The following BRF1 variants were observed in gnomAD, a reference collection of about 807,000 sequenced individuals.
BRF1 encodes the protein BRF1 general transcription factor IIIB subunit, also known as transcription factor IIIB 90 kDa subunit.
In BRF1, 59 loss-of-function variants were observed where a neutral mutation model predicts 81.7. The ratio of observed to expected loss-of-function variants is 0.72; its 90% CI spans 0.59 to 0.90. BRF1 has a LOEUF of 0.90. Ranked by LOEUF, BRF1 falls within the 40% of genes least tolerant of loss-of-function variation. The probability of loss-of-function intolerance (pLI) is 0.00; values close to 1 mark genes in which losing one functional copy is unlikely to be tolerated. For synonymous variants in BRF1, 491 were observed against 395.6 expected (o/e 1.24, Z -2.86); for missense variants, 1,050 against 936.3 (o/e 1.12, Z -1.58).
At chr14:105,247,217 G>C (rs113597130) in intron 5 of BRF1, 2 of 985,348 alleles carry the variant, frequency 2.0e-6, no homozygotes, top group African/African-American at 3.5e-5. Context: ...CTTTCTCTCG[G>C]AACTTTCCGG....
In BRF1 at chr14:105,282,920, G is replaced by A. The variant is rs148463914; in HGVS notation, c.265+3376C>T. Among the ~76,000 whole-genome samples, 1,410 of 152,158 alleles carry A rather than the reference G, an allele frequency of 9.3e-3. 22 individuals are homozygous for A. Among genetic ancestry groups the A allele is most frequent in the African/African-American group, 0.033 (1,350 of 41,508 alleles). On this transcript the variant is annotated intron_variant, in intron 2 of 17. Transcript: ENST00000547530. The stretch of plus-strand genomic sequence containing the variant: ...TGCACTCCAGCCTGGGTGACAGAGC[G>A]AGACTCCATCTCAAAAAACAAACAA...
intron 11 of BRF1, 64 bp from the exon 12 acceptor site, chr14:105,220,194 A>G: frequency 6.3e-7 from 1 of 1,596,922 alleles, no homozygotes; most frequent in South Asian, 1.1e-5. Flanking sequence ...CGTGGCCACC[A>G]CCTGGGCTGG....
In BRF1 at chr14:105,250,499, T is replaced by C. The variant is rs752649563; in HGVS notation, c.544+2008A>G. On this transcript the variant is annotated intron_variant, in intron 5 of 17. Transcript: ENST00000547530. ...CCCGGTCCAGGTTGAACAAGACACC[T>C]TCTACACGGCCAGTGCCGTCCTGGA... is the stretch of plus-strand genomic sequence containing the variant. 4.3e-6 allele frequency: 7 copies of C among 1,613,942 alleles called. No individual in the cohort carries two copies. In the East Asian group the frequency reaches 1.6e-4, roughly 36 times the overall value.
intron 1 of BRF1, among the ~76,000 whole-genome samples, chr14:105,295,453 C>A (rs1197051960): frequency 6.6e-6 from 1 of 151,276 alleles, no homozygotes; most frequent in African/African-American, 2.4e-5. Context: ...AAGAAAAATA[C>A]AAAAATTAGC....
At position 105,300,697 on chromosome 14, in the gene BRF1, G is replaced by C; in HGVS notation, c.-68C>G. ...TCAAGCCACCCGAGCCTCCGGAGCA[G>C]CCCGCGCCGCCCGCCCAGGCCCAGC... On this transcript the variant is annotated 5_prime_UTR_variant, in exon 1 of 18. Transcript: ENST00000547530. 8.5e-7 allele frequency: 1 copy of C among 1,177,422 alleles called. No homozygotes were observed. 72.9% of individuals were successfully genotyped at this position (1,177,422 alleles called of 1,614,324 possible). A position where few individuals can be genotyped will look rare whatever the true frequency, so the allele number is the denominator to read the frequency against.
chr14:105,278,190 C>T (rs372467172), intron 2 of BRF1, among the ~76,000 whole-genome samples: 1 of 152,144 alleles, frequency 6.6e-6, no homozygotes, highest in African/African-American at 2.4e-5. Flanking sequence ...TGGCTCATGC[C>T]TGTAGTAATC....
At chr14:105,256,009 C>A (rs1261626621) in intron 4 of BRF1, among the ~76,000 whole-genome samples, 2 of 152,032 alleles carry the variant, frequency 1.3e-5, no homozygotes, top group African/African-American at 4.8e-5. Context: ...CCTGTGGTCC[C>A]AGCTACTTGG....
At chr14:105,288,694 C>T (rs189225248) in intron 1 of BRF1, among the ~76,000 whole-genome samples, 2,202 of 143,570 alleles carry the variant, frequency 0.015, 48 homozygotes, top group African/African-American at 0.054. Context: ...AGTGCAGTGG[C>T]GTGATCTTGG....
intron 3 of BRF1, among the ~76,000 whole-genome samples, chr14:105,259,360 G>A (rs1166963887): frequency 6.6e-6 from 1 of 152,224 alleles, no homozygotes; most frequent in Non-Finnish European, 1.5e-5. Flanking sequence ...CAGGAGGATT[G>A]CTTGCACCCA....
chr14:105,248,021 C>T (rs1411450701), intron 5 of BRF1: 3 of 985,384 alleles, frequency 3.0e-6, no homozygotes, highest in Non-Finnish European at 3.6e-6. Context: ...AGGCCCAGGG[C>T]CAGATCCTGA....
chr14:105,300,566 C>G lies in BRF1; in HGVS notation c.64G>C (p.Asp22His). The G allele has an allele frequency of 6.7e-7, 1 of 1,494,840 alleles. No individual in the cohort carries two copies. Among genetic ancestry groups the G allele is most frequent in the Non-Finnish European group, 8.9e-7 (1 of 1,125,884 alleles). The allele number at this position is 1,494,840 out of a possible 1,614,324, so 92.6% of individuals were successfully genotyped here. A position where few individuals can be genotyped will look rare whatever the true frequency, so the allele number is the denominator to read the frequency against. The change falls in exon 1 of 18, where the codon GAC becomes CAC. Residue 22 changes from aspartate (D) to histidine (H), a missense_variant. Around this residue, in one of 2 missense-constraint regions of BRF1, gnomAD observed 1,043 missense variants for 915.4 expected, o/e 1.14. Coordinates refer to ENST00000547530, the MANE Select transcript of BRF1 (RefSeq NM_001519.4). The stretch of plus-strand genomic sequence containing the variant: ...GAGCCGCAGGCGGTGCACACCGCGT[C>G]CCCGCGCGCCGCGTCCAGCTCGATG... ...TDIELDAARG[D>H]AVCTACGSVL...
intron 5 of BRF1, chr14:105,246,748 C>T (rs1004833650): frequency 3.8e-5 from 36 of 944,394 alleles, no homozygotes; most frequent in East Asian, 1.2e-4. Context: ...TGAGCCACCG[C>T]GCCCAACCTA....
At chr14:105,211,369 G>A in intron 16 of BRF1, 76 bp from the exon 17 acceptor site, 2 of 1,361,710 alleles carry the variant, frequency 1.5e-6, no homozygotes, top group South Asian at 3.0e-5. Flanking sequence ...AGACCCACCA[G>A]GGCTGGCCCA....
chr14:105,209,517 G>C lies in BRF1; in HGVS notation c.*1034C>G, dbSNP rs1318196036. The C allele has an allele frequency of 1.4e-6, 1 of 702,368 alleles. No homozygotes were observed. Among genetic ancestry groups the C allele is most frequent in the Non-Finnish European group, 2.6e-6 (1 of 384,752 alleles). The allele number at this position is 702,368 out of a possible 1,614,324, so 43.5% of individuals were successfully genotyped here. A position where few individuals can be genotyped will look rare whatever the true frequency, so the allele number is the denominator to read the frequency against. On this transcript the variant is annotated 3_prime_UTR_variant, in exon 18 of 18. Coordinates refer to ENST00000547530, the MANE Select transcript of BRF1 (RefSeq NM_001519.4). ...TGCCTCAAGGCCACCCCCTCCTAAG[G>C]ACACAGGGTGAAGCCCCCTCGGCCA... is the stretch of plus-strand genomic sequence containing the variant.
intron 1 of BRF1, among the ~76,000 whole-genome samples, chr14:105,310,130 G>A (rs769204535): frequency 3.9e-5 from 6 of 152,190 alleles, no homozygotes; most frequent in Non-Finnish European, 8.8e-5. Context: ...AGTGACAACT[G>A]TCTCACTTAT....
At chr14:105,270,334 C>T (rs962306686) in intron 3 of BRF1, among the ~76,000 whole-genome samples, 17 of 152,050 alleles carry the variant, frequency 1.1e-4, no homozygotes, top group African/African-American at 2.6e-4. Flanking sequence ...CCACCACGCC[C>T]GGCTAATTTT....
In BRF1 at chr14:105,217,843, A is replaced by G. The variant is rs373550718; in HGVS notation, c.1516-43T>C. ...AGAATGCCTCCCGTGAGTCACGCCC[A>G]CTGCACTCCACCATCAGGGGCTCCA... On this transcript the variant is annotated intron_variant, in intron 14 of 17. Transcript: ENST00000547530. 9.4e-6 allele frequency: 15 copies of G among 1,594,512 alleles called. No homozygotes were observed. In the African/African-American group the frequency reaches 1.9e-4, roughly 20 times the overall value.
At chr14:105,254,431 G>T (rs1339804557) in intron 4 of BRF1, among the ~76,000 whole-genome samples, 2 of 152,010 alleles carry the variant, frequency 1.3e-5, no homozygotes, top group South Asian at 2.1e-4. Context: ...TAATTTTTTT[G>T]TGTTTTTAGT....
chr14:105,267,437 G>A (rs1353113456), intron 3 of BRF1, among the ~76,000 whole-genome samples: 1 of 151,858 alleles, frequency 6.6e-6, no homozygotes, highest in Non-Finnish European at 1.5e-5. Context: ...CCCAGTAGGT[G>A]AGACCACAGG....
Sources: allele counts gnomAD v4.1 joint callset (sites outside exome capture counted in the v4.1 genomes callset), GRCh38; gene constraint gnomAD v4.1.1; regional missense constraint gnomAD v4.1.1; transcripts MANE v1.5; gene names NCBI Gene and HGNC (gene_info 2026-07-23, HGNC 2026-07-21).